Variants in C2CD3 observed in about 807,000 individuals in gnomAD.
The protein encoded by C2CD3 is C2 domain-containing protein 3.
C2CD3 carries 148 observed loss-of-function variants against 234.0 expected under a neutral mutation model. The ratio of observed to expected loss-of-function variants is 0.63; its 90% confidence interval spans 0.55 to 0.72. C2CD3 has a LOEUF of 0.72. Among genes scored for constraint, C2CD3 ranks in the 30% least tolerant of loss-of-function variants. The pLI is 0.00. For synonymous variants in C2CD3, 1,000 were observed against 1,035.4 expected (o/e 0.97, Z 0.66); for missense variants, 2,577 against 2,811.5 (o/e 0.92, Z 1.89).
intron 32 of C2CD3, among the ~76,000 whole-genome samples, chr11:74,023,439 C>T (rs969403002): frequency 5.9e-5 from 9 of 152,212 alleles, no homozygotes; most frequent in Non-Finnish European, 1.2e-4. Flanking sequence ...CTGCCCTTGC[C>T]TCACTCCCTC....
chr11:74,133,334 C>T (rs770800388), intron 6 of C2CD3, 91 bp downstream of exon 6: 8 of 1,146,588 alleles, frequency 7.0e-6, no homozygotes, highest in Non-Finnish European at 1.0e-5. Context: ...TAAGCATTTC[C>T]AAGATTACCT....
rs587777654 is a variant in C2CD3, at chr11:74,095,303, A to T, written c.3085T>A (p.Cys1029Ser). The T allele has an allele frequency of 6.2e-7, 1 of 1,613,882 alleles. No individual in the cohort carries two copies. Among genetic ancestry groups the T allele is most frequent in the East Asian group, 2.2e-5 (1 of 44,862 alleles). The change falls in exon 17 of 33, where the codon TGT (cysteine) becomes AGT (serine). Residue 1029 changes from cysteine (C) to serine (S), a missense_variant. Physicochemically the swap from Cys to Ser is moderately radical, Grantham distance 112. Coordinates refer to ENST00000334126, the MANE Select transcript of C2CD3 (RefSeq NM_001286577.2). ...ACTGGAAAGTAGTACTGGACATAAC[A>T]ATCTGCTTCTCCCCAGACTGTTGCC... Reference protein sequence around the residue: ...LQATVWGEADCYVQYYFPVQH... With the variant: ...LQATVWGEADSYVQYYFPVQH...
Position 74,021,854 on chromosome 11 carries a change from A to G in C2CD3, c.6921+6433T>C, listed in dbSNP as rs141092735. On this transcript the variant is annotated intron_variant, in intron 32 of 32. Transcript: ENST00000334126. ...AGAAATAGTCGGGGGGGCTGGGCGC[A>G]GTGGCTTACGCTTGTAATCACAGCA... is the stretch of plus-strand genomic sequence containing the variant. 8.5e-3 allele frequency among the ~76,000 whole-genome samples: 1,301 copies of G among 152,312 alleles called. 14 individuals are homozygous for G. Among genetic ancestry groups the G allele is most frequent in the Non-Finnish European group, 0.014 (940 of 68,030 alleles).
intron 5 of C2CD3, among the ~76,000 whole-genome samples, chr11:74,134,354 T>C (rs1417657970): frequency 2.0e-5 from 3 of 152,174 alleles, no homozygotes; most frequent in Non-Finnish European, 2.9e-5. Flanking sequence ...GAGTACTAGC[T>C]GGGCATGGCA....
rs764866687 is a variant in C2CD3 at position 74,118,354 on chromosome 11, A to C, written c.1394T>G (p.Leu465Arg). 12 of 1,613,082 alleles carry C rather than the reference A, an allele frequency of 7.4e-6. No homozygotes were observed. In the Admixed American group the frequency reaches 2.0e-4, roughly 27 times the overall value. Reference sequence around the variant, plus strand: ...AGGGACGATATCATCCTCTTCACTGAGGAAATCACTGATGCTGGTATCAGA... The same window carrying C: ...AGGGACGATATCATCCTCTTCACTGCGGAAATCACTGATGCTGGTATCAGA... ...PKSDTSISDF[L>R]SEEDDIVPSK... The change falls in exon 9 of 33, where the codon CTC (leucine) becomes CGC (arginine). Residue 465 changes from leucine to arginine, a missense_variant. By Grantham distance (102) the Leu-to-Arg change is moderately radical. Transcript: ENST00000334126.
At chr11:74,126,052 G>A (rs978020974) in intron 7 of C2CD3, among the ~76,000 whole-genome samples, 10 of 152,044 alleles carry the variant, frequency 6.6e-5, no homozygotes, top group Non-Finnish European at 1.2e-4. Context: ...ATTTTCCTGT[G>A]GTTTTCTGAG....
chr11:74,120,186 GT>G (rs1957165299), intron 8 of C2CD3, among the ~76,000 whole-genome samples: 1 of 150,492 alleles, frequency 6.6e-6, no homozygotes, highest in African/African-American at 2.5e-5. Context: ...GTGCAGGTTT[GT>G]TACATATGTA....
intron 19 of C2CD3, 139 bp from the exon 20 acceptor site, chr11:74,091,075 T>C: frequency 2.6e-6 from 2 of 775,144 alleles, no homozygotes; most frequent in Non-Finnish European, 4.1e-6. Flanking sequence ...TCTGTCCTTG[T>C]CATAATCACA....
chr11:74,036,864 C>T (rs899407075), intron 30 of C2CD3, among the ~76,000 whole-genome samples: 13 of 152,214 alleles, frequency 8.5e-5, no homozygotes, highest in Non-Finnish European at 1.3e-4. Flanking sequence ...ATACTGATGC[C>T]TGGGTTCCAC....
chr11:74,048,738 A>G (rs2135429270), intron 27 of C2CD3, among the ~76,000 whole-genome samples: 1 of 152,326 alleles, frequency 6.6e-6, no homozygotes, highest in Non-Finnish European at 1.5e-5. Flanking sequence ...ATTGGGACCA[A>G]TGAACTCTGT....
Position 74,013,185 on chromosome 11 carries a change from G to A in C2CD3, c.*200C>T, listed in dbSNP as rs1252825682. 7 of 364,456 alleles carry A rather than the reference G, an allele frequency of 1.9e-5. No homozygotes were observed. The highest frequency in any genetic ancestry group is 3.4e-5 in the Non-Finnish European group (7 of 205,186). 22.6% of individuals were successfully genotyped at this position (364,456 alleles called of 1,614,324 possible). A position where few individuals can be genotyped will look rare whatever the true frequency, so the allele number is the denominator to read the frequency against. ...CACAGAAAAAAGGAGCTGAAATTCT[G>A]GCAAGTGGACACTGGACTGGTTTGG... On this transcript the variant is annotated 3_prime_UTR_variant, in exon 33 of 33. Coordinates refer to ENST00000334126, the MANE Select transcript of C2CD3 (RefSeq NM_001286577.2).
chr11:74,032,834 C>G (rs1388047708), intron 31 of C2CD3, among the ~76,000 whole-genome samples: 1 of 151,060 alleles, frequency 6.6e-6, no homozygotes, highest in Non-Finnish European at 1.5e-5. Context: ...CCTTGTACTC[C>G]AGCTTGGGTG....
At chr11:74,068,580 T>C (rs1204413351) in intron 24 of C2CD3, among the ~76,000 whole-genome samples, 1 of 152,124 alleles carries the variant, frequency 6.6e-6, no homozygotes, top group Non-Finnish European at 1.5e-5. Context: ...AGAGGACCAA[T>C]CACTGTTCCC....
chr11:74,139,853 G>T (rs1317328195), intron 3 of C2CD3, 25 bp from the exon 4 acceptor site: 1 of 1,430,084 alleles, frequency 7.0e-7, no homozygotes, highest in Non-Finnish European at 9.9e-7. Context: ...TAGTATATGA[G>T]AAATTTTCTT....
At position 74,092,469 on chromosome 11, in the gene C2CD3, A is replaced by T. The variant is rs756949148; in HGVS notation, c.3464T>A (p.Leu1155His). 6.2e-7 allele frequency: 1 copy of T among 1,613,810 alleles called. No homozygotes were observed. The highest frequency in any genetic ancestry group is 1.1e-5 in the South Asian group (1 of 91,080). The stretch of plus-strand genomic sequence containing the variant: ...GTTCTCAATCCTGGGGGTTAAAGGG[A>T]GATTAAAGGTCTGTATTCCCACATC... ...REDVGIQTFN[L>H]PLTPRIENRK... Residue 1155 changes from leucine (L) to histidine (H), a missense_variant, in exon 19 of 33, where the codon CTC becomes CAC. Physicochemically the swap from Leu to His is moderately conservative, Grantham distance 99. Transcript: ENST00000334126.
chr11:74,101,593 A>C (rs961105161), intron 14 of C2CD3, among the ~76,000 whole-genome samples: 2 of 152,214 alleles, frequency 1.3e-5, no homozygotes, highest in African/African-American at 2.4e-5. Context: ...CAAATAAGGA[A>C]GTTGCAGGCA....
At chr11:74,116,142 A>G (rs1215928003) in intron 9 of C2CD3, among the ~76,000 whole-genome samples, 2 of 152,216 alleles carry the variant, frequency 1.3e-5, no homozygotes, top group African/African-American at 4.8e-5. Context: ...ATTAAACTAA[A>G]AAGCTTCTGC....
At chr11:74,062,660 C>T (rs889952814) in intron 24 of C2CD3, among the ~76,000 whole-genome samples, 13 of 151,816 alleles carry the variant, frequency 8.6e-5, no homozygotes, top group African/African-American at 2.9e-4. Flanking sequence ...TAAATGCCCA[C>T]AAGAGAAAGC....
At chr11:74,101,871 C>T (rs1956328727) in intron 14 of C2CD3, among the ~76,000 whole-genome samples, 2 of 151,530 alleles carry the variant, frequency 1.3e-5, no homozygotes, top group Non-Finnish European at 2.9e-5. Context: ...GTCTTGGATG[C>T]CAAGGATTTA....
Sources: allele counts gnomAD v4.1 joint callset (sites outside exome capture counted in the v4.1 genomes callset), GRCh38; gene constraint gnomAD v4.1.1; transcripts MANE v1.5; gene names NCBI Gene and HGNC (gene_info 2026-07-23, HGNC 2026-07-21).